Variants in CNTN3 observed in about 807,000 individuals in gnomAD.
CNTN3 encodes the protein contactin-3.
Under a neutral mutation model 119.1 loss-of-function variants are expected in CNTN3, and 60 were observed. The observed-to-expected ratio is 0.50, with a 90% CI of 0.41 to 0.62. The LOEUF (loss-of-function observed/expected upper bound fraction) is 0.62, where lower values mean the gene tolerates loss of function less well. CNTN3 is among the 20% of genes least tolerant of loss of function. The pLI is 0.00. For missense variants in CNTN3, 1,101 were observed against 1,242.4 expected (o/e 0.89, Z 1.71); for synonymous variants, 450 against 438.7 (o/e 1.03, Z -0.32).
intron 17 of CNTN3, among the ~76,000 whole-genome samples, chr3:74,299,224 T>A (rs151084889): frequency 6.6e-6 from 1 of 151,952 alleles, no homozygotes; most frequent in South Asian, 2.1e-4. Context: ...AGGAAAAAAA[T>A]ATTAACGAAT....
intron 4 of CNTN3, among the ~76,000 whole-genome samples, chr3:74,439,305 G>C (rs1018769135): frequency 9.2e-5 from 14 of 151,980 alleles, no homozygotes; most frequent in African/African-American, 3.4e-4. Context: ...CCAGGAGTTC[G>C]AGACCACCCT....
chr3:74,271,487 T>A (rs1222102610), intron 20 of CNTN3, among the ~76,000 whole-genome samples: 1 of 152,232 alleles, frequency 6.6e-6, no homozygotes, highest in Non-Finnish European at 1.5e-5. Context: ...TAAAGAATAT[T>A]ATTGCCTGGA....
intron 4 of CNTN3, among the ~76,000 whole-genome samples, chr3:74,477,246 C>T (rs1702673816): frequency 6.6e-6 from 1 of 152,156 alleles, no homozygotes; most frequent in South Asian, 2.1e-4. Context: ...TGCCCAAAGT[C>T]ACATGGCTGC....
chr3:74,439,002 A>C, intron 4 of CNTN3, among the ~76,000 whole-genome samples: 1 of 152,194 alleles, frequency 6.6e-6, no homozygotes, highest in Admixed American at 6.5e-5. Flanking sequence ...GTAATAGCAT[A>C]GTTCACAGGT....
intron 4 of CNTN3, 39 bp from the exon 5 acceptor site, chr3:74,424,979 C>T (rs1243273930): frequency 7.3e-7 from 1 of 1,365,678 alleles, no homozygotes; most frequent in East Asian, 2.5e-5. Context: ...TTTAGAAAGA[C>T]CAATTAAATC....
chr3:74,270,822 T>C (rs1290249584), intron 20 of CNTN3, among the ~76,000 whole-genome samples: 1 of 152,182 alleles, frequency 6.6e-6, no homozygotes, highest in Non-Finnish European at 1.5e-5. Context: ...AACGTTCATA[T>C]CCTATAGGTT....
At chr3:74,445,093 G>C (rs571738713) in intron 4 of CNTN3, among the ~76,000 whole-genome samples, 1 of 152,256 alleles carries the variant, frequency 6.6e-6, no homozygotes, top group South Asian at 2.1e-4. Context: ...CTGAATATCT[G>C]TCTTTCAGTA....
chr3:74,450,726 T>C (rs936921131), intron 4 of CNTN3, among the ~76,000 whole-genome samples: 3 of 140,710 alleles, frequency 2.1e-5, no homozygotes, highest in Admixed American at 7.7e-5. Flanking sequence ...TGTGTTCTCA[T>C]TGCTCAATTC....
At chr3:74,311,799 C>A (rs936441148) in intron 13 of CNTN3, among the ~76,000 whole-genome samples, 2 of 152,180 alleles carry the variant, frequency 1.3e-5, no homozygotes, top group Non-Finnish European at 2.9e-5. Flanking sequence ...ACAACTAATT[C>A]TTAGATCTGG....
At chr3:74,493,485 T>C (rs1406534197) in intron 3 of CNTN3, among the ~76,000 whole-genome samples, 1 of 152,142 alleles carries the variant, frequency 6.6e-6, no homozygotes, top group East Asian at 1.9e-4. Context: ...CATTTTAAAC[T>C]TCAGCATGAA....
In CNTN3 at chr3:74,311,971, C is replaced by T. The variant is rs569663010; in HGVS notation, c.1669-9164G>A. Among the ~76,000 whole-genome samples, 5 of 129,804 alleles carry T rather than the reference C, an allele frequency of 3.9e-5. No homozygotes were observed. In the South Asian group the frequency reaches 1.2e-3, roughly 30 times the overall value. The allele number at this position is 129,804 out of a possible 152,430, so 85.2% of individuals were successfully genotyped here. ...TGCTGGAAGTTCAGTGTGGACAATT[C>T]CGTGAGTTAAAAACTCCACGAAGAG... On this transcript the variant is annotated intron_variant, in intron 13 of 22. Transcript: ENST00000263665.
rs148935010 is a variant in CNTN3 at position 74,381,380 on chromosome 3, A to G, written c.455-9981T>C. Among the ~76,000 whole-genome samples the G allele has an allele frequency of 8.5e-5, 13 of 152,292 alleles. No homozygotes were observed. In the East Asian group the frequency reaches 1.5e-3, roughly 18 times the overall value. ...ATGCAATTATGTCTGGATATGCAAA[A>G]TAAACATGACAAAAAAATGCCCCTA... On this transcript the variant is annotated intron_variant, in intron 5 of 22. Transcript: ENST00000263665.
intron 11 of CNTN3, among the ~76,000 whole-genome samples, chr3:74,353,778 T>C (rs1252932032): frequency 6.6e-6 from 1 of 151,994 alleles, no homozygotes; most frequent in East Asian, 1.9e-4. Context: ...AATTAATTAA[T>C]TAAATAAAAT....
intron 4 of CNTN3, among the ~76,000 whole-genome samples, chr3:74,470,061 A>G (rs1250521760): frequency 6.6e-6 from 1 of 152,170 alleles, no homozygotes; most frequent in Non-Finnish European, 1.5e-5. Flanking sequence ...TACTATATGA[A>G]GAACCTTACA....
intron 1 of CNTN3, among the ~76,000 whole-genome samples, chr3:74,534,313 T>A (rs559868348): frequency 6.6e-6 from 1 of 152,080 alleles, no homozygotes; most frequent in Non-Finnish European, 1.5e-5. Context: ...ATTCTTGTTT[T>A]GTCTACAGCG....
At chr3:74,371,470 T>C (rs1704337504) in intron 5 of CNTN3, 71 bp from the exon 6 acceptor site, 5 of 1,145,500 alleles carry the variant, frequency 4.4e-6, no homozygotes, top group Middle Eastern at 2.5e-4. Flanking sequence ...CCTTAATGTA[T>C]CTATACAAAC....
intron 11 of CNTN3, among the ~76,000 whole-genome samples, chr3:74,339,506 G>C (rs994104739): frequency 6.6e-6 from 1 of 151,958 alleles, no homozygotes; most frequent in Admixed American, 6.6e-5. Context: ...AGTTAGATTC[G>C]ATTTTCCTGT....
chr3:74,386,899 A>T (rs1704761622), intron 5 of CNTN3, among the ~76,000 whole-genome samples: 2 of 152,186 alleles, frequency 1.3e-5, no homozygotes, highest in Admixed American at 1.3e-4. Context: ...ATCAAAATGT[A>T]GGTTCTGTGG....
At chr3:74,448,052 A>C (rs1336117027) in intron 4 of CNTN3, among the ~76,000 whole-genome samples, 1 of 152,138 alleles carries the variant, frequency 6.6e-6, no homozygotes, top group Non-Finnish European at 1.5e-5. Flanking sequence ...TTCCAGGTTA[A>C]AGCTTTGTCT....
Sources: gnomAD v4.1 joint callset for allele counts (sites outside exome capture counted in the v4.1 genomes callset) on GRCh38, gnomAD v4.1.1 for gene constraint, MANE v1.5 for transcripts, NCBI Gene and HGNC (gene_info 2026-07-23, HGNC 2026-07-21) for gene names.